Variants in PGAP1 observed in about 807,000 individuals in gnomAD.
PGAP1 encodes the protein post-GPI attachment to proteins inositol deacylase 1.
A neutral mutation model predicts 127.0 loss-of-function variants in PGAP1; 76 were observed. The ratio of observed to expected loss-of-function variants is 0.60; its 90% confidence interval spans 0.50 to 0.72. The LOEUF (loss-of-function observed/expected upper bound fraction) is 0.72. Among genes scored for constraint, PGAP1 ranks in the 30% least tolerant of loss-of-function variants. The pLI is 0.00. For synonymous variants in PGAP1, 362 were observed against 366.5 expected, an observed-to-expected ratio of 0.99 and a Z score of 0.14; for missense variants, 982 against 1,071.3, an observed-to-expected ratio of 0.92 and a Z score of 1.16.
intron 2 of PGAP1, among the ~76,000 whole-genome samples, chr2:196,917,127 T>A (rs1407504630): frequency 1.3e-5 from 2 of 152,212 alleles, no homozygotes; most frequent in African/African-American, 4.8e-5. Context: ...ATCCAAACAC[T>A]ATTATCTCTT....
At chr2:196,879,093 C>A (rs1701647901) in intron 13 of PGAP1, among the ~76,000 whole-genome samples, 1 of 152,060 alleles carries the variant, frequency 6.6e-6, no homozygotes, top group Non-Finnish European at 1.5e-5. Flanking sequence ...AGTGGGGTCT[C>A]ATTATGTTGA....
rs1190871053 is a variant in PGAP1 at position 196,838,874 on chromosome 2, T to A, written c.*2360A>T. 1 of 152,210 alleles carries A rather than the reference T, an allele frequency of 6.6e-6. No homozygotes were observed. Among genetic ancestry groups the A allele is most frequent in the Non-Finnish European group, 1.5e-5 (1 of 68,118 alleles). 9.4% of individuals were successfully genotyped at this position (152,210 alleles called of 1,614,324 possible). A position where few individuals can be genotyped will look rare whatever the true frequency, so the allele number is the denominator to read the frequency against. ...GCCTAGCCAACATGGTGAAACCCCG[T>A]CTCTACTAAAAATACAAAAATTAGC... is the stretch of plus-strand genomic sequence containing the variant. On this transcript the variant is annotated 3_prime_UTR_variant, in exon 27 of 27. Transcript: ENST00000354764.
At chr2:196,922,281 T>C in intron 1 of PGAP1, 2 of 1,177,952 alleles carry the variant, frequency 1.7e-6, no homozygotes, top group Non-Finnish European at 2.2e-6. Context: ...ATGATATTAC[T>C]TAATTGTAAA....
chr2:196,874,445 C>A (rs1701498236), intron 14 of PGAP1, among the ~76,000 whole-genome samples: 2 of 152,044 alleles, frequency 1.3e-5, no homozygotes, highest in African/African-American at 2.4e-5. Flanking sequence ...CTAGATGAAC[C>A]AATGGATGCT....
chr2:196,900,573 A>G (rs1396395049), intron 5 of PGAP1, among the ~76,000 whole-genome samples: 4 of 152,226 alleles, frequency 2.6e-5, no homozygotes, highest in African/African-American at 7.2e-5. Flanking sequence ...ATAAAGTTCC[A>G]TAAGTAAAAT....
At chr2:196,849,261 A>ATTTTT (rs747641877) in intron 20 of PGAP1, among the ~76,000 whole-genome samples, 2 of 135,984 alleles carry the variant, frequency 1.5e-5, no homozygotes, top group South Asian at 2.3e-4. Flanking sequence ...TGTCAGAATA[A>ATTTTT]TTTTTTTTTT....
At chr2:196,876,002 T>C (rs1481652545) in intron 13 of PGAP1, among the ~76,000 whole-genome samples, 181 bp from the exon 14 acceptor site, 1 of 152,138 alleles carries the variant, frequency 6.6e-6, no homozygotes, top group Non-Finnish European at 1.5e-5. Context: ...AGAGATACTA[T>C]GCTGAGAAAA....
At chr2:196,874,654 T>C (rs181397173) in intron 14 of PGAP1, among the ~76,000 whole-genome samples, 2 of 152,274 alleles carry the variant, frequency 1.3e-5, no homozygotes, top group Non-Finnish European at 2.9e-5. Flanking sequence ...CTCAATATGA[T>C]ATAGTAGGAA....
intron 10 of PGAP1, among the ~76,000 whole-genome samples, chr2:196,889,662 C>G (rs569071018): frequency 6.7e-6 from 1 of 148,976 alleles, no homozygotes; most frequent in Non-Finnish European, 1.5e-5. Flanking sequence ...CGAGACCATC[C>G]TGGCTAACAC....
chr2:196,844,521 T>A lies in PGAP1; in HGVS notation c.2337+3A>T. 3.1e-6 allele frequency: 5 copies of A among 1,589,200 alleles called. No homozygotes were observed. Among genetic ancestry groups the A allele is most frequent in the Non-Finnish European group, 4.3e-6 (5 of 1,169,366 alleles). On this transcript the variant is annotated splice_donor_region_variant and intron_variant, in intron 24 of 26. Transcript: ENST00000354764. ...TATGTAGAGTTTTGAAAATAAAACT[T>A]ACCACAGGCTGGCTATTCTTAAAAG...
intron 25 of PGAP1, among the ~76,000 whole-genome samples, chr2:196,843,179 T>A (rs1700462690): frequency 6.6e-6 from 1 of 152,004 alleles, no homozygotes; most frequent in Admixed American, 6.5e-5. Flanking sequence ...AAAATGAAGG[T>A]TCATGAAGTT....
chr2:196,892,293 C>G, intron 9 of PGAP1, 53 bp downstream of exon 9: 1 of 824,242 alleles, frequency 1.2e-6, no homozygotes, highest in Non-Finnish European at 2.0e-6. Flanking sequence ...AAGATAAATA[C>G]TAAATTATTT....
At chr2:196,876,586 C>G (rs1440187328) in intron 13 of PGAP1, among the ~76,000 whole-genome samples, 1 of 152,038 alleles carries the variant, frequency 6.6e-6, no homozygotes, top group African/African-American at 2.4e-5. Context: ...AAAATAATCT[C>G]TACAATGCAA....
chr2:196,923,893 A>T (rs1703290064), intron 1 of PGAP1, among the ~76,000 whole-genome samples: 1 of 152,234 alleles, frequency 6.6e-6, no homozygotes, highest in Non-Finnish European at 1.5e-5. Context: ...GAAACAACTC[A>T]GACGTTTCTT....
In PGAP1 at chr2:196,896,828, T is replaced by TAAAAAAAA. The variant is rs566717804; in HGVS notation, c.927+295_927+302dup. Among the ~76,000 whole-genome samples, 216 of 90,548 alleles carry TAAAAAAAA rather than the reference T, an allele frequency of 2.4e-3. 1 individual carries two copies. Among genetic ancestry groups the TAAAAAAAA allele is most frequent in the South Asian group, 8.8e-3 (21 of 2,382 alleles). The allele number at this position is 90,548 out of a possible 152,430, so 59.4% of individuals were successfully genotyped here. On this transcript the variant is annotated intron_variant, in intron 7 of 26. Coordinates refer to ENST00000354764, the MANE Select transcript of PGAP1 (RefSeq NM_024989.4). ...TGTGCAACAGAGTGAGACTCCATCT[T>TAAAAAAAA]AAAAAAAAAAAAAAAAAAAAAAAGG...
chr2:196,866,041 T>C (rs1371414242), intron 19 of PGAP1, among the ~76,000 whole-genome samples: 1 of 152,148 alleles, frequency 6.6e-6, no homozygotes, highest in East Asian at 1.9e-4. Flanking sequence ...AAAATGGCCA[T>C]ACTGCCCAGA....
At chr2:196,923,501 T>G (rs1402972671) in intron 1 of PGAP1, among the ~76,000 whole-genome samples, 2 of 152,184 alleles carry the variant, frequency 1.3e-5, no homozygotes, top group Non-Finnish European at 2.9e-5. Flanking sequence ...CCCATTGTAT[T>G]TATCAAGACA....
At chr2:196,890,801 T>G (rs1702070748) in intron 10 of PGAP1, 27 bp downstream of exon 10, 2 of 1,340,050 alleles carry the variant, frequency 1.5e-6, no homozygotes, top group Non-Finnish European at 2.1e-6. Flanking sequence ...CCTCTTAAAT[T>G]TACATAAAAT....
Position 196,875,791 on chromosome 2 carries a change from C to G in PGAP1, c.1381G>C (p.Glu461Gln). ...ACAGGAAGCTGTATGTATCTTTTCT[C>G]TTTTTTAAAGAATTCACAATCTACA... is the stretch of plus-strand genomic sequence containing the variant. ...FVVDCEFFKKEKRYIQLPVTH... is the reference protein window; with the variant it reads ...FVVDCEFFKKQKRYIQLPVTH... The change falls in exon 14 of 27, where the codon GAG becomes CAG. Residue 461 changes from glutamate to glutamine, a missense_variant. Coordinates refer to ENST00000354764, the MANE Select transcript of PGAP1 (RefSeq NM_024989.4). 1 of 1,534,328 alleles carries G rather than the reference C, an allele frequency of 6.5e-7. No homozygotes were observed.
Sources: allele counts gnomAD v4.1 joint callset (sites outside exome capture counted in the v4.1 genomes callset), GRCh38; gene constraint gnomAD v4.1.1; transcripts MANE v1.5; gene names NCBI Gene and HGNC (gene_info 2026-07-23, HGNC 2026-07-21).